The following PIEZO2 variants were observed in gnomAD, a reference collection of about 807,000 sequenced individuals.
The protein encoded by PIEZO2 is piezo type mechanosensitive ion channel component 2, also known as piezo-type mechanosensitive ion channel component 2.
A neutral mutation model predicts 337.3 loss-of-function variants in PIEZO2; 172 were observed. That is an observed-to-expected ratio of 0.51 (90% confidence interval 0.45 to 0.58). The LOEUF is 0.58. PIEZO2 is among the 20% of genes least tolerant of loss of function. PIEZO2 has a pLI of 0.00. For synonymous variants in PIEZO2, 1,251 were observed against 1,228.5 expected (o/e 1.02, Z -0.38); for missense variants, 3,028 against 3,391.3 (o/e 0.89, Z 2.66).
chr18:11,022,558 C>T (rs2036349582), intron 2 of PIEZO2, among the ~76,000 whole-genome samples: 1 of 152,116 alleles, frequency 6.6e-6, no homozygotes, highest in Non-Finnish European at 1.5e-5. Context: ...TGCACACATC[C>T]TTGGTGTCTT....
intron 3 of PIEZO2, among the ~76,000 whole-genome samples, chr18:10,918,799 C>T (rs111359404): frequency 7.2e-4 from 109 of 152,034 alleles, no homozygotes; most frequent in South Asian, 4.4e-3. Context: ...CATGTAATCA[C>T]TTTACTGCTT....
chr18:11,104,299 C>G lies in PIEZO2; in HGVS notation c.65-38077G>C, dbSNP rs1039706279. On this transcript the variant is annotated intron_variant, in intron 1 of 55. Transcript: ENST00000674853. The surrounding 1 kb of genome is among the most constrained non-coding windows in gnomAD (Gnocchi z 4.6). ...TGGGGAGAATATCGTGAGGAAGAAT[C>G]CTATGCAGAAAGCTATGCTGTTAGC... Among the ~76,000 whole-genome samples the G allele has an allele frequency of 1.3e-5, 2 of 152,144 alleles. No homozygotes were observed. The highest frequency in any genetic ancestry group is 6.5e-5 in the Admixed American group (1 of 15,276).
At chr18:10,931,373 G>C (rs556843643) in intron 3 of PIEZO2, among the ~76,000 whole-genome samples, 63 of 152,110 alleles carry the variant, frequency 4.1e-4, no homozygotes, top group African/African-American at 1.3e-3. Flanking sequence ...CTAATTTTTT[G>C]TATTTTTAGT....
rs1598375861 is a variant in PIEZO2, at chr18:10,702,118, C to T, written c.6312G>A (p.Lys2104=). ...FFQFGFFPWN[K]NVEVNKDKPY... ...GTTTATCTTTGTTCACCTCCACATT[C>T]TTATTCCAGGGAAAGAACCCAAATT... Residue 2104 remains lysine (K), a synonymous_variant, in exon 43 of 56, where the codon AAG becomes AAA. Transcript: ENST00000674853. 7 of 1,536,796 alleles carry T rather than the reference C, an allele frequency of 4.6e-6. No individual in the cohort carries two copies. Among genetic ancestry groups the T allele is most frequent in the African/African-American group, 1.4e-5 (1 of 73,130 alleles).
At chr18:10,842,175 TGCA>T (rs2041217716) in intron 7 of PIEZO2, among the ~76,000 whole-genome samples, 1 of 150,810 alleles carries the variant, frequency 6.6e-6, no homozygotes, top group Non-Finnish European at 1.5e-5. Flanking sequence ...AAAGTTGGTG[TGCA>T]TTTTTTTATT....
intron 2 of PIEZO2, among the ~76,000 whole-genome samples, chr18:10,992,785 T>A (rs1299033442): frequency 6.6e-6 from 1 of 152,218 alleles, no homozygotes; most frequent in African/African-American, 2.4e-5. Flanking sequence ...GGGAGCTTGA[T>A]GGGGATAGCA....
rs75437171 is a variant in PIEZO2, at chr18:11,013,602, T to C, written c.161-33942A>G. 8.1e-3 allele frequency among the ~76,000 whole-genome samples: 1,227 copies of C among 152,272 alleles called. 15 individuals carry two copies. Among genetic ancestry groups the C allele is most frequent in the African/African-American group, 0.027 (1,131 of 41,554 alleles). The stretch of plus-strand genomic sequence containing the variant: ...CAGAAACACATAAATTTTTAAACAA[T>C]TTGGGAGGTTGTGGTAGAGCAGATG... On this transcript the variant is annotated intron_variant, in intron 2 of 55. Coordinates refer to ENST00000674853, the MANE Select transcript of PIEZO2 (RefSeq NM_001378183.1).
chr18:10,782,242 TTA>T (rs1268696893), intron 17 of PIEZO2, among the ~76,000 whole-genome samples: 28 of 126,306 alleles, frequency 2.2e-4, no homozygotes, highest in Non-Finnish European at 1.6e-4. Context: ...TGATTATATA[TTA>T]TATGATATAT....
chr18:10,836,290 C>G (rs139632407), intron 7 of PIEZO2, among the ~76,000 whole-genome samples: 2 of 152,292 alleles, frequency 1.3e-5, no homozygotes, highest in East Asian at 3.9e-4. Flanking sequence ...ACAATCCCAT[C>G]CTGAGCTTAT....
chr18:10,987,281 A>C (rs2034911170), intron 2 of PIEZO2, among the ~76,000 whole-genome samples: 1 of 152,170 alleles, frequency 6.6e-6, no homozygotes, highest in South Asian at 2.1e-4. Context: ...ACATAGCTGG[A>C]AGCATCACAC....
Position 10,848,544 on chromosome 18 carries a change from T to C in PIEZO2, c.917+6809A>G, listed in dbSNP as rs144748595. ...TACATTTATTTAAGAGAGAATGCTA[T>C]TTTCATAGAGAATGGGCTGAGAATC... is the stretch of plus-strand genomic sequence containing the variant. On this transcript the variant is annotated intron_variant, in intron 7 of 55. Transcript: ENST00000674853. Among the ~76,000 whole-genome samples the C allele has an allele frequency of 2.0e-3, 301 of 152,344 alleles. 1 individual carries two copies. The highest frequency in any genetic ancestry group is 7.1e-3 in the African/African-American group (294 of 41,584).
intron 3 of PIEZO2, among the ~76,000 whole-genome samples, chr18:10,933,289 C>T (rs1453092384): frequency 6.6e-6 from 1 of 152,072 alleles, no homozygotes; most frequent in African/African-American, 2.4e-5. Flanking sequence ...GTTTACATTA[C>T]ATTGGCCACT....
chr18:10,790,530 T>C (rs1272258395), intron 14 of PIEZO2, among the ~76,000 whole-genome samples: 1 of 152,212 alleles, frequency 6.6e-6, no homozygotes, highest in African/African-American at 2.4e-5. Flanking sequence ...CCTCTGTTTT[T>C]ACATTGTGGT....
intron 7 of PIEZO2, among the ~76,000 whole-genome samples, chr18:10,818,720 G>A (rs939824064): frequency 2.6e-5 from 4 of 152,146 alleles, no homozygotes; most frequent in Non-Finnish European, 4.4e-5. Flanking sequence ...TTTACATACA[G>A]TATTGTATGT....
chr18:11,059,873 C>G (rs1024445738), intron 2 of PIEZO2, among the ~76,000 whole-genome samples: 1 of 152,126 alleles, frequency 6.6e-6, no homozygotes, highest in Non-Finnish European at 1.5e-5. Flanking sequence ...ACAAGGATAT[C>G]CAGGAATTGA....
rs56245508 is a variant in PIEZO2 at position 11,012,837 on chromosome 18, G to A, written c.161-33177C>T. Among the ~76,000 whole-genome samples the A allele has an allele frequency of 7.6e-3, 1,159 of 152,266 alleles. 8 individuals carry two copies. The highest frequency in any genetic ancestry group is 0.037 in the Middle Eastern group (11 of 294). ...AGGTGGAAAGATCACTTGAGCCCAG[G>A]AGTTCGAGGCCAGCCTGGACATCAC... On this transcript the variant is annotated intron_variant, in intron 2 of 55. Coordinates refer to ENST00000674853, the MANE Select transcript of PIEZO2 (RefSeq NM_001378183.1).
Position 10,954,934 on chromosome 18 carries a change from C to T in PIEZO2, c.286+24601G>A, listed in dbSNP as rs74255531. Among the ~76,000 whole-genome samples the T allele has an allele frequency of 1.3e-5, 2 of 152,082 alleles. No individual in the cohort carries two copies. ...TCTGGGTTCATTAAAATTATTCTTG[C>T]ACTTTAGATAATACATCAAAAATTG... is the stretch of plus-strand genomic sequence containing the variant. On this transcript the variant is annotated intron_variant, in intron 3 of 55. Coordinates refer to ENST00000674853, the MANE Select transcript of PIEZO2 (RefSeq NM_001378183.1). This position sits in a 1 kb window ranked among gnomAD's most constrained non-coding sequence, Gnocchi z 4.2.
At chr18:10,937,632 G>A (rs1278365440) in intron 3 of PIEZO2, among the ~76,000 whole-genome samples, 2 of 152,106 alleles carry the variant, frequency 1.3e-5, no homozygotes, top group Non-Finnish European at 2.9e-5. Flanking sequence ...ACATCAAGCT[G>A]GATTCCCACA....
chr18:10,882,179 T>A (rs1301396781), intron 4 of PIEZO2, among the ~76,000 whole-genome samples: 1 of 152,190 alleles, frequency 6.6e-6, no homozygotes, highest in Non-Finnish European at 1.5e-5. Flanking sequence ...TCCCCATGTG[T>A]TTACTTGGCT....
Sources: gnomAD v4.1 joint callset for allele counts (sites outside exome capture counted in the v4.1 genomes callset) on GRCh38, gnomAD v4.1.1 for gene constraint, Gnocchi (gnomAD v3.1) non-coding constraint, MANE v1.5 for transcripts, NCBI Gene and HGNC (gene_info 2026-07-23, HGNC 2026-07-21) for gene names.